The following MAP2K5 variants were observed in gnomAD, a reference collection of about 807,000 sequenced individuals.
MAP2K5 encodes mitogen-activated protein kinase kinase 5, also known as dual specificity mitogen-activated protein kinase kinase 5.
Under a neutral mutation model 83.1 loss-of-function variants are expected in MAP2K5, and 49 were observed. The ratio of observed to expected loss-of-function variants is 0.59; its 90% CI spans 0.47 to 0.75. The LOEUF is 0.75. Ranked by LOEUF, MAP2K5 falls within the 30% of genes least tolerant of loss-of-function variation. MAP2K5 has a pLI of 0.00. For synonymous variants in MAP2K5, 202 were observed against 191.8 expected, an observed-to-expected ratio of 1.05 and a Z score of -0.44; for missense variants, 457 against 557.5, an observed-to-expected ratio of 0.82 and a Z score of 1.82.
chr15:67,671,835 C>G (rs1567350856), intron 13 of MAP2K5, among the ~76,000 whole-genome samples: 1 of 130,594 alleles, frequency 7.7e-6, no homozygotes, highest in African/African-American at 2.9e-5. Flanking sequence ...ACAACAGTCC[C>G]CAGAGTGTGA....
At position 67,801,385 on chromosome 15, in the gene MAP2K5, G is replaced by A. The variant is rs2090703874; in HGVS notation, c.1243-5261G>A. On this transcript the variant is annotated intron_variant, in intron 21 of 21. Transcript: ENST00000178640. The surrounding 1 kb of genome is among the most constrained non-coding windows in gnomAD (Gnocchi z 4.8). ...GCTTACTGCTTCAACAGGTTCATGAGTCCTTGGCCTCCTATCCCATGCAGC... is the reference window on the plus strand; with the variant it reads ...GCTTACTGCTTCAACAGGTTCATGAATCCTTGGCCTCCTATCCCATGCAGC... Among the ~76,000 whole-genome samples, 1 of 152,140 alleles carries A rather than the reference G, an allele frequency of 6.6e-6. No individual in the cohort carries two copies. Among genetic ancestry groups the A allele is most frequent in the Non-Finnish European group, 1.5e-5 (1 of 68,022 alleles).
intron 4 of MAP2K5, among the ~76,000 whole-genome samples, chr15:67,585,107 C>T (rs12148363): frequency 0.084 from 12,189 of 144,494 alleles, 689 homozygotes; most frequent in Middle Eastern, 0.14. Flanking sequence ...CAAATTAATT[C>T]GTCCCCAAAC....
intron 8 of MAP2K5, among the ~76,000 whole-genome samples, chr15:67,625,521 C>A (rs1226321083): frequency 6.6e-6 from 1 of 152,200 alleles, no homozygotes; most frequent in Non-Finnish European, 1.5e-5. Context: ...TTGGTGTAAG[C>A]AGAGCCTCCA....
intron 4 of MAP2K5, among the ~76,000 whole-genome samples, chr15:67,581,797 C>T (rs1318659978): frequency 6.6e-6 from 1 of 152,078 alleles, no homozygotes; most frequent in Admixed American, 6.5e-5. Flanking sequence ...CTTGGCCAAC[C>T]CACAAGAAGA....
chr15:67,582,311 C>T lies in MAP2K5; in HGVS notation c.322+1488C>T, dbSNP rs1260479698. ...TCCTGACCTCATGATCCACTCCCCT[C>T]GGCCTCCCAAAGTGCTGGGATTACA... On this transcript the variant is annotated intron_variant, in intron 4 of 21. Coordinates refer to ENST00000178640, the MANE Select transcript of MAP2K5 (RefSeq NM_145160.3). Among the ~76,000 whole-genome samples, 4 of 152,212 alleles carry T rather than the reference C, an allele frequency of 2.6e-5. No homozygotes were observed. The East Asian group carries it at 5.8e-4, about 22-fold the overall frequency.
intron 19 of MAP2K5, among the ~76,000 whole-genome samples, chr15:67,751,848 G>A (rs996223617): frequency 2.6e-5 from 4 of 152,086 alleles, no homozygotes; most frequent in African/African-American, 7.2e-5. Context: ...AGTGTTTGGC[G>A]CTGACATTGA....
chr15:67,774,046 C>T lies in MAP2K5; in HGVS notation c.1242+1294C>T, dbSNP rs1018634505. 2.6e-5 allele frequency among the ~76,000 whole-genome samples: 4 copies of T among 152,118 alleles called. No individual in the cohort carries two copies. The highest frequency in any genetic ancestry group is 4.4e-5 in the Non-Finnish European group (3 of 68,014). ...ATAAAACATCTGCAGATCACACATA[C>T]GCCCATAAATGTATATGGATGTATA... On this transcript the variant is annotated intron_variant, in intron 21 of 21. Coordinates refer to ENST00000178640, the MANE Select transcript of MAP2K5 (RefSeq NM_145160.3). The surrounding 1 kb of genome is among the most constrained non-coding windows in gnomAD (Gnocchi z 4.9).
rs571465246 is a variant in MAP2K5, at chr15:67,786,911, A to T, written c.1242+14159A>T. On this transcript the variant is annotated intron_variant, in intron 21 of 21. Transcript: ENST00000178640. The surrounding 1 kb of genome is among the most constrained non-coding windows in gnomAD (Gnocchi z 4.7). ...CACTGCTAATAACAAGAGGGAAGACATTCCAGGGAGAGAAAATGGCACAGG... is the reference window on the plus strand; with the variant it reads ...CACTGCTAATAACAAGAGGGAAGACTTTCCAGGGAGAGAAAATGGCACAGG... Among the ~76,000 whole-genome samples the T allele has an allele frequency of 6.6e-6, 1 of 152,356 alleles. No homozygotes were observed. Among genetic ancestry groups the T allele is most frequent in the East Asian group, 1.9e-4 (1 of 5,196 alleles).
rs118048150 is a variant in MAP2K5, at chr15:67,736,214, T to C, written c.1074+8269T>C. On this transcript the variant is annotated intron_variant, in intron 17 of 21. Transcript: ENST00000178640. The surrounding 1 kb of genome is among the most constrained non-coding windows in gnomAD (Gnocchi z 4.3). ...CAGATAAAGAAATTGGGTTTGAGAA[T>C]TTTGTACATCCCCTTGACATGACTG... 2.3e-4 allele frequency among the ~76,000 whole-genome samples: 35 copies of C among 152,214 alleles called. 1 individual carries two copies. The East Asian group carries it at 6.0e-3, about 26-fold the overall frequency.
intron 8 of MAP2K5, among the ~76,000 whole-genome samples, chr15:67,621,841 A>T (rs1204785470): frequency 1.3e-5 from 2 of 152,172 alleles, no homozygotes; most frequent in Non-Finnish European, 2.9e-5. Context: ...TTGTGGAGGG[A>T]GACATAATAA....
chr15:67,590,438 C>CT (rs1567294574), intron 6 of MAP2K5, among the ~76,000 whole-genome samples: 6 of 67,316 alleles, frequency 8.9e-5, no homozygotes, highest in African/African-American at 3.1e-4. Flanking sequence ...TCTCTCTCTC[C>CT]CTCCCTCCCT....
At position 67,758,929 on chromosome 15, in the gene MAP2K5, C is replaced by T. The variant is rs1033651208; in HGVS notation, c.1134+10328C>T. 1.3e-5 allele frequency among the ~76,000 whole-genome samples: 2 copies of T among 152,210 alleles called. No individual in the cohort carries two copies. The highest frequency in any genetic ancestry group is 4.8e-5 in the African/African-American group (2 of 41,456). ...ACAGCTGTGAAAGAAGACAACTTAGCATTGCAGACATGCTCAAAGGGCATA... is the reference window on the plus strand; with the variant it reads ...ACAGCTGTGAAAGAAGACAACTTAGTATTGCAGACATGCTCAAAGGGCATA... On this transcript the variant is annotated intron_variant, in intron 19 of 21. Transcript: ENST00000178640. The surrounding 1 kb of genome is among the most constrained non-coding windows in gnomAD (Gnocchi z 4.7).
At chr15:67,681,042 T>C (rs2141184062) in intron 13 of MAP2K5, among the ~76,000 whole-genome samples, 1 of 152,370 alleles carries the variant, frequency 6.6e-6, no homozygotes, top group Non-Finnish European at 1.5e-5. Context: ...ATAGTATATT[T>C]GGTACATTCA....
At chr15:67,600,607 A>G (rs2085635595) in intron 7 of MAP2K5, 78 bp from the exon 8 acceptor site, 1 of 1,103,264 alleles carries the variant, frequency 9.1e-7, no homozygotes, top group South Asian at 1.3e-5. Flanking sequence ...CTTGTTGTTT[A>G]TGGCCCAGAG....
chr15:67,543,055 C>T lies in MAP2K5; in HGVS notation c.-281C>T, dbSNP rs1221659698. On this transcript the variant is annotated 5_prime_UTR_variant, in exon 1 of 22. Coordinates refer to ENST00000178640, the MANE Select transcript of MAP2K5 (RefSeq NM_145160.3). This position sits in a 1 kb window ranked among gnomAD's most constrained non-coding sequence, Gnocchi z 4.3. ...CCTTCACCATAGCGTTCGCTCAACT[C>T]CAGAACCTTCCGACCTCCGCTAGTT... 4.1e-6 allele frequency: 2 copies of T among 493,264 alleles called. No individual in the cohort carries two copies. Among genetic ancestry groups the T allele is most frequent in the Non-Finnish European group, 7.4e-6 (2 of 270,272 alleles). 30.6% of individuals were successfully genotyped at this position (493,264 alleles called of 1,614,324 possible).
intron 2 of MAP2K5, among the ~76,000 whole-genome samples, chr15:67,556,815 A>G (rs2084637163): frequency 6.6e-6 from 1 of 152,066 alleles, no homozygotes; most frequent in Non-Finnish European, 1.5e-5. Context: ...GGCCTCCCAA[A>G]GTGCTGGCAT....
At chr15:67,608,504 G>A (rs1874896321) in intron 8 of MAP2K5, among the ~76,000 whole-genome samples, 1 of 152,140 alleles carries the variant, frequency 6.6e-6, no homozygotes, top group African/African-American at 2.4e-5. Flanking sequence ...CACAGTCTGG[G>A]GCCACCTGTC....
chr15:67,628,892 G>A, intron 8 of MAP2K5: 1 of 750,254 alleles, frequency 1.3e-6, no homozygotes, highest in Non-Finnish European at 2.4e-6. Context: ...CGGCAGTGGG[G>A]ATGGATGGCT....
At chr15:67,641,370 C>T (rs544259421) in intron 9 of MAP2K5, 1 of 407,130 alleles carries the variant, frequency 2.5e-6, no homozygotes, top group East Asian at 1.6e-4. Context: ...AATTATGTCG[C>T]CATAGATTAA....
Sources: allele counts gnomAD v4.1 joint callset (sites outside exome capture counted in the v4.1 genomes callset), GRCh38; gene constraint gnomAD v4.1.1; non-coding constraint Gnocchi (gnomAD v3.1); transcripts MANE v1.5; gene names NCBI Gene and HGNC (gene_info 2026-07-23, HGNC 2026-07-21).